The following THSD7B variants were observed in gnomAD, a reference collection of about 807,000 sequenced individuals.
THSD7B encodes thrombospondin type-1 domain-containing protein 7B.
A neutral mutation model predicts 213.6 loss-of-function variants in THSD7B; 138 were observed. That is an observed-to-expected ratio of 0.65 (90% CI 0.56 to 0.74). THSD7B has a LOEUF of 0.74. THSD7B is among the 30% of genes least tolerant of loss of function. The pLI, the probability that THSD7B is intolerant of heterozygous loss-of-function variation, is 0.00. For synonymous variants in THSD7B, 742 were observed against 687.0 expected, an observed-to-expected ratio of 1.08 and a Z score of -1.25; for missense variants, 1,931 against 1,991.5, an observed-to-expected ratio of 0.97 and a Z score of 0.58.
At chr2:137,207,414 T>G (rs970437972) in intron 7 of THSD7B, among the ~76,000 whole-genome samples, 4 of 152,062 alleles carry the variant, frequency 2.6e-5, no homozygotes, top group Non-Finnish European at 5.9e-5. Context: ...TTATAAAGAA[T>G]TAGCAGTTAA....
At chr2:137,529,085 C>T (rs536856261) in intron 15 of THSD7B, among the ~76,000 whole-genome samples, 1 of 152,202 alleles carries the variant, frequency 6.6e-6, no homozygotes, top group Admixed American at 6.5e-5. Context: ...GATATTAAAT[C>T]TTCCAGGATC....
chr2:137,288,400 C>T lies in THSD7B; in HGVS notation c.2500+12374C>T, dbSNP rs115045961. On this transcript the variant is annotated intron_variant, in intron 12 of 27. Transcript: ENST00000409968. ...ACCTACTAGAGTCTATGAAACTTAG[C>T]AAGTACATAAAGTAACCTGCCACTT... Among the ~76,000 whole-genome samples, 349 of 152,132 alleles carry T rather than the reference C, an allele frequency of 2.3e-3. 3 individuals carry two copies. The highest frequency in any genetic ancestry group is 8.0e-3 in the African/African-American group (331 of 41,520).
chr2:136,986,872 A>G (rs1201042067), intron 2 of THSD7B, among the ~76,000 whole-genome samples: 2 of 152,164 alleles, frequency 1.3e-5, no homozygotes, highest in East Asian at 3.9e-4. Context: ...ATAGCTTATA[A>G]TTTTGCAAAC....
At chr2:136,962,102 A>G (rs1301862138) in intron 2 of THSD7B, among the ~76,000 whole-genome samples, 1 of 152,222 alleles carries the variant, frequency 6.6e-6, no homozygotes, top group African/African-American at 2.4e-5. Context: ...AGTGAGCATC[A>G]TATTTGCATC....
intron 12 of THSD7B, among the ~76,000 whole-genome samples, chr2:137,397,350 G>A (rs1686219771): frequency 6.6e-6 from 1 of 151,916 alleles, no homozygotes; most frequent in African/African-American, 2.4e-5. Flanking sequence ...GCTCTTTTAG[G>A]GCAGGCCTGG....
At chr2:137,104,838 C>A (rs1026912594) in intron 4 of THSD7B, among the ~76,000 whole-genome samples, 1 of 152,130 alleles carries the variant, frequency 6.6e-6, no homozygotes, top group Non-Finnish European at 1.5e-5. Context: ...GACACTTACA[C>A]CCTCCCAAGA....
chr2:136,877,785 A>G (rs1286994147), intron 1 of THSD7B, among the ~76,000 whole-genome samples: 4 of 152,184 alleles, frequency 2.6e-5, no homozygotes, highest in African/African-American at 9.7e-5. Flanking sequence ...GACTCCTGAT[A>G]TAAATCCCAA....
chr2:137,384,682 C>A lies in THSD7B; in HGVS notation c.2501-20931C>A, dbSNP rs80241575. 2.4e-3 allele frequency among the ~76,000 whole-genome samples: 371 copies of A among 152,280 alleles called. 3 individuals carry two copies. Among genetic ancestry groups the A allele is most frequent in the African/African-American group, 8.5e-3 (353 of 41,564 alleles). On this transcript the variant is annotated intron_variant, in intron 12 of 27. Transcript: ENST00000409968. ...ACATGGCATGGGCCCTGTCATCTTA[C>A]AGTCGTGGCCTAGAGTGACTTGGCA...
chr2:137,452,112 CAT>C (rs1687664134), intron 15 of THSD7B: 2 of 724,394 alleles, frequency 2.8e-6, no homozygotes, highest in African/African-American at 3.8e-5. Flanking sequence ...TTATAAAAGA[CAT>C]ATAACTCACT....
intron 1 of THSD7B, among the ~76,000 whole-genome samples, chr2:136,870,907 A>G (rs1432817073): frequency 1.3e-5 from 2 of 152,218 alleles, no homozygotes; most frequent in Non-Finnish European, 2.9e-5. Flanking sequence ...AATGCATAGA[A>G]GGAAAGCAAG....
At chr2:136,841,081 A>G (rs1682912371) in intron 1 of THSD7B, among the ~76,000 whole-genome samples, 1 of 152,130 alleles carries the variant, frequency 6.6e-6, no homozygotes, top group Admixed American at 6.5e-5. Flanking sequence ...CAATTCTTCT[A>G]ACAGCCCTAT....
chr2:137,170,909 T>C lies in THSD7B; in HGVS notation c.1694T>C (p.Ile565Thr), dbSNP rs1558945954. The change falls in exon 7 of 28, where the codon ATT (isoleucine) becomes ACT (threonine). Residue 565 changes from isoleucine to threonine, a missense_variant. Physicochemically the swap from Ile to Thr is moderately conservative, Grantham distance 89. Transcript: ENST00000409968. ...DHGKCGLGHR[I>T]LKAVCQNDRG... ...GGAAAATGTGGCCTGGGACATCGTATTCTGAAGGCCGTCTGCCAGAATGAC... is the reference window on the plus strand; with the variant it reads ...GGAAAATGTGGCCTGGGACATCGTACTCTGAAGGCCGTCTGCCAGAATGAC... 1 of 1,612,986 alleles carries C rather than the reference T, an allele frequency of 6.2e-7. No individual in the cohort carries two copies. The highest frequency in any genetic ancestry group is 1.7e-5 in the Admixed American group (1 of 59,966).
At chr2:137,667,750 T>G (rs937874068) in intron 26 of THSD7B, 24 bp from the exon 27 acceptor site, 2 of 1,577,122 alleles carry the variant, frequency 1.3e-6, no homozygotes, top group African/African-American at 2.7e-5. Flanking sequence ...GCTAAGCTTC[T>G]TATGTTATCT....
Position 137,041,221 on chromosome 2 carries a change from G to A in THSD7B, c.140-15199G>A, listed in dbSNP as rs190515765. On this transcript the variant is annotated intron_variant, in intron 2 of 27. Transcript: ENST00000409968. ...AAAATTCTTTGACTGTAGGATATCA[G>A]TACTTTCCTGTTTGTATTCAAGGGG... is the stretch of plus-strand genomic sequence containing the variant. 7.5e-4 allele frequency among the ~76,000 whole-genome samples: 114 copies of A among 152,266 alleles called. 2 individuals are homozygous for A. In the East Asian group the frequency reaches 0.014, roughly 19 times the overall value.
intron 12 of THSD7B, among the ~76,000 whole-genome samples, chr2:137,286,885 C>A (rs1182709628): frequency 6.6e-6 from 1 of 152,124 alleles, no homozygotes; most frequent in Non-Finnish European, 1.5e-5. Context: ...TCTAAGAGGG[C>A]AAAGCCATTT....
intron 12 of THSD7B, among the ~76,000 whole-genome samples, chr2:137,335,247 C>G (rs1227301121): frequency 6.6e-6 from 1 of 152,136 alleles, no homozygotes; most frequent in Admixed American, 6.5e-5. Context: ...ACCTCATGAT[C>G]TTATTTAAGC....
At chr2:137,220,808 C>T (rs541663945) in intron 7 of THSD7B, among the ~76,000 whole-genome samples, 1 of 152,020 alleles carries the variant, frequency 6.6e-6, no homozygotes, top group East Asian at 1.9e-4. Flanking sequence ...TAAACAAAAC[C>T]TTCTACATCC....
At chr2:137,116,058 C>T (rs779022228) in intron 5 of THSD7B, among the ~76,000 whole-genome samples, 1 of 152,182 alleles carries the variant, frequency 6.6e-6, no homozygotes, top group African/African-American at 2.4e-5. Flanking sequence ...CATATTTCCA[C>T]TGTGGGCTTT....
chr2:137,649,426 C>T (rs537434256), intron 21 of THSD7B, among the ~76,000 whole-genome samples: 84 of 152,200 alleles, frequency 5.5e-4, no homozygotes, highest in Admixed American at 2.0e-3. Context: ...AGGTTTAAGA[C>T]TTTAATACAT....
Sources: allele counts gnomAD v4.1 joint callset (sites outside exome capture counted in the v4.1 genomes callset), GRCh38; gene constraint gnomAD v4.1.1; transcripts MANE v1.5; gene names NCBI Gene and HGNC (gene_info 2026-07-23, HGNC 2026-07-21).